The following SUCLG2 variants were observed in gnomAD, a reference collection of about 807,000 sequenced individuals.
SUCLG2 encodes the protein succinate--CoA ligase [GDP-forming] subunit beta, mitochondrial.
SUCLG2 carries 42 observed loss-of-function variants against 47.9 expected under a neutral mutation model. The observed-to-expected ratio is 0.88, with a 90% CI of 0.69 to 1.14. The LOEUF (loss-of-function observed/expected upper bound fraction) is 1.14, where lower values mean the gene tolerates loss of function less well. Ranked by LOEUF, SUCLG2 falls within the 50% of genes most tolerant of loss-of-function variation. SUCLG2 has a pLI of 0.00. For missense variants in SUCLG2, 571 were observed against 525.9 expected (o/e 1.09, Z -0.84); for synonymous variants, 195 against 197.3 (o/e 0.99, Z 0.10).
chr3:67,631,020 G>A (rs1275082209), intron 1 of SUCLG2, among the ~76,000 whole-genome samples: 2 of 152,194 alleles, frequency 1.3e-5, no homozygotes, highest in African/African-American at 4.8e-5. Flanking sequence ...GAAGACCAAT[G>A]TCCTATAAGA....
Position 67,461,249 on chromosome 3 carries a change from C to A in SUCLG2, c.1062+34549G>T, listed in dbSNP as rs189268887. ...GCATGCATGAGTTTAACGCTCCAAACGATACTCAGGGTTCTCAACATTAAC... is the reference window on the plus strand; with the variant it reads ...GCATGCATGAGTTTAACGCTCCAAAAGATACTCAGGGTTCTCAACATTAAC... On this transcript the variant is annotated intron_variant, in intron 9 of 10. Transcript: ENST00000307227. Among the ~76,000 whole-genome samples, 278 of 152,232 alleles carry A rather than the reference C, an allele frequency of 1.8e-3. 4 individuals are homozygous for A. The highest frequency in any genetic ancestry group is 0.015 in the Admixed American group (236 of 15,288).
At chr3:67,577,267 C>A (rs1447463968) in intron 2 of SUCLG2, among the ~76,000 whole-genome samples, 1 of 151,730 alleles carries the variant, frequency 6.6e-6, no homozygotes, top group Non-Finnish European at 1.5e-5. Flanking sequence ...GAGATCCTGC[C>A]ACTGCACTTC....
At chr3:67,494,632 A>C (rs1340573688) in intron 9 of SUCLG2, among the ~76,000 whole-genome samples, 1 of 152,208 alleles carries the variant, frequency 6.6e-6, no homozygotes, top group Non-Finnish European at 1.5e-5. Flanking sequence ...TCTCTAAAAA[A>C]AAATAATCAA....
intron 9 of SUCLG2, among the ~76,000 whole-genome samples, chr3:67,472,285 A>C (rs1173385162): frequency 6.6e-6 from 1 of 152,252 alleles, no homozygotes; most frequent in Non-Finnish European, 1.5e-5. Flanking sequence ...ACATTAAAAA[A>C]TATTTTTTTA....
intron 10 of SUCLG2, among the ~76,000 whole-genome samples, chr3:67,380,654 G>A (rs1237341346): frequency 2.0e-5 from 3 of 151,644 alleles, no homozygotes; most frequent in Admixed American, 6.6e-5. Context: ...ATCATGACCA[G>A]GTAGAAACTT....
chr3:67,484,260 C>T (rs1299613586), intron 9 of SUCLG2, among the ~76,000 whole-genome samples: 2 of 152,152 alleles, frequency 1.3e-5, no homozygotes, highest in Admixed American at 6.5e-5. Context: ...AGAGTATGGC[C>T]CCCACCAGAC....
intron 1 of SUCLG2, among the ~76,000 whole-genome samples, chr3:67,613,151 G>A (rs539867639): frequency 1.6e-4 from 25 of 152,094 alleles, no homozygotes; most frequent in Non-Finnish European, 2.9e-4. Flanking sequence ...ATTAGCCATT[G>A]GCGATTAACT....
rs1265043355 is a variant in SUCLG2 at position 67,444,061 on chromosome 3, G to T, written c.1063-43210C>A. ...AGCCGCCCCGTCCGGGAGGGAGGTG[G>T]AGGGGTCAGCCCCCCGCCTGGCCAG... On this transcript the variant is annotated intron_variant, in intron 9 of 10. Coordinates refer to ENST00000307227, the MANE Select transcript of SUCLG2 (RefSeq NM_003848.4). Among the ~76,000 whole-genome samples, 16 of 115,970 alleles carry T rather than the reference G, an allele frequency of 1.4e-4. 1 individual carries two copies. The highest frequency in any genetic ancestry group is 3.1e-4 in the Non-Finnish European group (16 of 51,936). The allele number at this position is 115,970 out of a possible 152,430, so 76.1% of individuals were successfully genotyped here.
In SUCLG2 at chr3:67,494,754, C is replaced by A. The variant is rs572550549; in HGVS notation, c.1062+1044G>T. 4.3e-4 allele frequency among the ~76,000 whole-genome samples: 65 copies of A among 152,264 alleles called. 1 individual carries two copies. In the South Asian group the frequency reaches 9.8e-3, roughly 23 times the overall value. ...CATTAGACTTTCAAAATATTTTGGT[C>A]TTTCTACATAACAAGCATCTACCTA... On this transcript the variant is annotated intron_variant, in intron 9 of 10. Coordinates refer to ENST00000307227, the MANE Select transcript of SUCLG2 (RefSeq NM_003848.4).
chr3:67,520,763 G>T, intron 4 of SUCLG2, 129 bp from the exon 5 acceptor site: 1 of 1,060,822 alleles, frequency 9.4e-7, no homozygotes. Flanking sequence ...GAGTGAGTTT[G>T]CAGAGCTTTG....
At chr3:67,394,893 C>T (rs1702485979) in intron 10 of SUCLG2, among the ~76,000 whole-genome samples, 3 of 152,086 alleles carry the variant, frequency 2.0e-5, no homozygotes, top group Admixed American at 6.5e-5. Context: ...AAAGAATTTT[C>T]AACCCAGAAT....
chr3:67,550,313 G>T (rs1014735733), intron 2 of SUCLG2, among the ~76,000 whole-genome samples: 1 of 152,098 alleles, frequency 6.6e-6, no homozygotes, highest in Non-Finnish European at 1.5e-5. Context: ...CTATAAACAG[G>T]ATTGTTAACA....
intron 1 of SUCLG2, among the ~76,000 whole-genome samples, chr3:67,613,584 T>C (rs1184320024): frequency 6.6e-6 from 1 of 152,152 alleles, no homozygotes; most frequent in Non-Finnish European, 1.5e-5. Flanking sequence ...GGGACCAGAA[T>C]AAGGATGGAC....
At chr3:67,603,873 T>C (rs866043073) in intron 2 of SUCLG2, among the ~76,000 whole-genome samples, 30 of 152,178 alleles carry the variant, frequency 2.0e-4, no homozygotes, top group African/African-American at 7.0e-4. Context: ...ACACAGTAGG[T>C]ATTCTGTAAT....
intron 9 of SUCLG2, among the ~76,000 whole-genome samples, chr3:67,425,253 T>TTACC (rs1241772830): frequency 6.6e-6 from 1 of 152,228 alleles, no homozygotes; most frequent in African/African-American, 2.4e-5. Context: ...ATCTGGGTAT[T>TTACC]ATCAGTGGAC....
At chr3:67,530,639 T>C (rs1424200506) in intron 2 of SUCLG2, among the ~76,000 whole-genome samples, 1 of 152,218 alleles carries the variant, frequency 6.6e-6, no homozygotes, top group East Asian at 1.9e-4. Context: ...GCTCCTTCAC[T>C]GCCTTCATTG....
intron 1 of SUCLG2, among the ~76,000 whole-genome samples, chr3:67,628,948 CA>C (rs1431578544): frequency 3.9e-5 from 6 of 152,134 alleles, no homozygotes; most frequent in African/African-American, 1.2e-4. Flanking sequence ...AAAAGGCAGA[CA>C]GGGGAAGAGA....
intron 9 of SUCLG2, among the ~76,000 whole-genome samples, chr3:67,423,315 G>A (rs980679702): frequency 6.6e-6 from 1 of 152,084 alleles, no homozygotes; most frequent in African/African-American, 2.4e-5. Flanking sequence ...GGACTCCCTG[G>A]CCATGCGGAA....
intron 2 of SUCLG2, among the ~76,000 whole-genome samples, chr3:67,604,094 T>C (rs1238064165): frequency 6.6e-6 from 1 of 152,214 alleles, no homozygotes; most frequent in African/African-American, 2.4e-5. Flanking sequence ...ATAAATCCAT[T>C]TTCTATGCAA....
Sources: gnomAD v4.1 joint callset for allele counts (sites outside exome capture counted in the v4.1 genomes callset) on GRCh38, gnomAD v4.1.1 for gene constraint, MANE v1.5 for transcripts, NCBI Gene and HGNC (gene_info 2026-07-23, HGNC 2026-07-21) for gene names.